Variants in PSPH observed in about 807,000 individuals in gnomAD.
PSPH encodes phosphoserine phosphatase.
In PSPH, 16 loss-of-function variants were observed where a neutral mutation model predicts 23.4. The observed-to-expected ratio is 0.68, with a 90% CI of 0.46 to 1.04. PSPH has a LOEUF of 1.04. Among genes scored for constraint, PSPH ranks in the 50% least tolerant of loss-of-function variants. The pLI, the probability that PSPH is intolerant of heterozygous loss-of-function variation, is 0.00. For synonymous variants in PSPH, 68 were observed against 99.7 expected, an observed-to-expected ratio of 0.68 and a Z score of 1.89; for missense variants, 223 against 273.7, an observed-to-expected ratio of 0.81 and a Z score of 1.31.
intron 7 of PSPH, 101 bp from the exon 8 acceptor site, chr7:56,011,970 A>G (rs992870024): frequency 3.6e-5 from 32 of 898,352 alleles, no homozygotes; most frequent in Non-Finnish European, 5.5e-5. Context: ...CAGTGACACA[A>G]TCTCCACTCA....
intron 6 of PSPH, among the ~76,000 whole-genome samples, chr7:56,016,403 CA>C (rs1187610566): frequency 0.011 from 931 of 85,386 alleles, 5 homozygotes; most frequent in African/African-American, 0.038. Context: ...GACCCTGTCT[CA>C]AAAAAAAAAA....
intron 1 of PSPH, among the ~76,000 whole-genome samples, chr7:56,035,615 A>C (rs539540995): frequency 1.1e-4 from 16 of 151,842 alleles, no homozygotes; most frequent in African/African-American, 3.9e-4. Flanking sequence ...CCTCCCCACC[A>C]AAACACAATT....
intron 1 of PSPH, among the ~76,000 whole-genome samples, chr7:56,039,018 C>A (rs887764646): frequency 2.0e-5 from 3 of 151,934 alleles, no homozygotes; most frequent in African/African-American, 7.3e-5. Flanking sequence ...TGGTGCATAC[C>A]TGTAATCCTA....
At chr7:56,039,974 C>T (rs1190169864) in intron 1 of PSPH, among the ~76,000 whole-genome samples, 3 of 151,722 alleles carry the variant, frequency 2.0e-5, no homozygotes, top group Non-Finnish European at 4.4e-5. Context: ...TGGCGGGCGC[C>T]TGTAGTCCCA....
At chr7:56,034,651 G>A (rs1184799621) in intron 1 of PSPH, among the ~76,000 whole-genome samples, 1 of 152,112 alleles carries the variant, frequency 6.6e-6, no homozygotes, top group African/African-American at 2.4e-5. Context: ...AAGTAGCCGG[G>A]ACTACGGGCG....
chr7:56,013,117 A>G (rs563213236), intron 7 of PSPH, among the ~76,000 whole-genome samples: 10 of 148,662 alleles, frequency 6.7e-5, no homozygotes, highest in East Asian at 2.1e-4. Context: ...GTATATATTT[A>G]TATACACACA....
intron 4 of PSPH, among the ~76,000 whole-genome samples, chr7:56,020,138 G>A (rs1307939367): frequency 6.6e-6 from 1 of 151,684 alleles, no homozygotes; most frequent in Non-Finnish European, 1.5e-5. Flanking sequence ...AGAATTGCTG[G>A]AACCCGGGAG....
At chr7:56,019,261 G>A (rs1170939810) in intron 5 of PSPH, among the ~76,000 whole-genome samples, 4 of 151,836 alleles carry the variant, frequency 2.6e-5, no homozygotes, top group African/African-American at 9.7e-5. Context: ...TCAACATGGC[G>A]AAACCCATCT....
At chr7:56,030,504 A>T (rs1790829573) in intron 3 of PSPH, among the ~76,000 whole-genome samples, 1 of 151,906 alleles carries the variant, frequency 6.6e-6, no homozygotes, top group African/African-American at 2.4e-5. Context: ...GGAGGCCGTT[A>T]TCCTAAGTGA....
chr7:56,038,842 CA>C (rs199739447), intron 1 of PSPH, among the ~76,000 whole-genome samples: 1 of 150,238 alleles, frequency 6.7e-6, no homozygotes, highest in Non-Finnish European at 1.5e-5. Flanking sequence ...CTCCGTCCCC[CA>C]AAAAAAAGAA....
At chr7:56,029,350 G>A (rs189344535) in intron 3 of PSPH, among the ~76,000 whole-genome samples, 4 of 152,046 alleles carry the variant, frequency 2.6e-5, no homozygotes, top group South Asian at 2.1e-4. Flanking sequence ...AAGACATGCC[G>A]GTGGGAAGGT....
At chr7:56,017,847 C>T (rs571885689) in intron 5 of PSPH, among the ~76,000 whole-genome samples, 3 of 151,922 alleles carry the variant, frequency 2.0e-5, no homozygotes, top group East Asian at 2.0e-4. Flanking sequence ...GTCAGCCTCC[C>T]GAGTAGCTGG....
intron 1 of PSPH, among the ~76,000 whole-genome samples, chr7:56,040,808 T>G (rs917442501): frequency 6.6e-6 from 1 of 151,874 alleles, no homozygotes; most frequent in Non-Finnish European, 1.5e-5. Context: ...AAAAACAGAC[T>G]CTCTGAAGAT....
chr7:56,024,313 G>A (rs1789872943), intron 3 of PSPH, among the ~76,000 whole-genome samples: 2 of 151,560 alleles, frequency 1.3e-5, no homozygotes. Context: ...CTGGGCTCAA[G>A]TGAACCTTCC....
chr7:56,040,664 AG>A (rs1210863470), intron 1 of PSPH, among the ~76,000 whole-genome samples: 1 of 151,824 alleles, frequency 6.6e-6, no homozygotes, highest in African/African-American at 2.4e-5. Flanking sequence ...TATGGTGGTG[AG>A]GGGGGGAATG....
rs1251451174 is a variant in PSPH at position 56,013,272 on chromosome 7, A to G, written c.571-1403T>C. On this transcript the variant is annotated intron_variant, in intron 7 of 7. Transcript: ENST00000275605. ...GTTGGCTCACACCTGTAATCCCAGC[A>G]CTCTGGCAGGCCAAGGCAGGAAGAT... Among the ~76,000 whole-genome samples the G allele has an allele frequency of 2.0e-5, 3 of 151,318 alleles. No individual in the cohort carries two copies. In the South Asian group the frequency reaches 6.3e-4, roughly 32 times the overall value.
At chr7:56,038,315 C>G (rs866582304) in intron 1 of PSPH, among the ~76,000 whole-genome samples, 1 of 149,344 alleles carries the variant, frequency 6.7e-6, no homozygotes, top group Non-Finnish European at 1.5e-5. Context: ...AAAAATTAGC[C>G]GGGCGTAGTG....
At position 56,028,727 on chromosome 7, in the gene PSPH, C is replaced by T. The variant is rs192985590; in HGVS notation, c.-20+3202G>A. Among the ~76,000 whole-genome samples, 373 of 152,188 alleles carry T rather than the reference C, an allele frequency of 2.5e-3. 1 individual carries two copies. Among genetic ancestry groups the T allele is most frequent in the African/African-American group, 8.4e-3 (350 of 41,546 alleles). On this transcript the variant is annotated intron_variant, in intron 3 of 7. Transcript: ENST00000275605. ...CTCCCTGCTTGATTGGGCAGCAGAG[C>T]AAACTCGGCCACAGCTCCTTTTAGC...
intron 1 of PSPH, among the ~76,000 whole-genome samples, chr7:56,041,185 A>G (rs1792478414): frequency 6.6e-6 from 1 of 151,054 alleles, no homozygotes; most frequent in South Asian, 2.1e-4. Flanking sequence ...TTATCATAGC[A>G]AGACTCTATC....
Sources: gnomAD v4.1 joint callset for allele counts (sites outside exome capture counted in the v4.1 genomes callset) on GRCh38, gnomAD v4.1.1 for gene constraint, MANE v1.5 for transcripts, NCBI Gene and HGNC (gene_info 2026-07-23, HGNC 2026-07-21) for gene names.